Variants in CUX1 observed in about 807,000 individuals in gnomAD.
The protein encoded by CUX1 is cut like homeobox 1.
In CUX1, 31 loss-of-function variants were observed where a neutral mutation model predicts 158.8. The ratio of observed to expected loss-of-function variants is 0.20; its 90% confidence interval spans 0.15 to 0.26. The LOEUF is 0.26. Ranked by LOEUF, CUX1 falls within the 10% of genes least tolerant of loss-of-function variation. CUX1 has a pLI of 1.00. For missense variants in CUX1, 1,589 were observed against 2,014.6 expected (o/e 0.79, Z 4.04); for synonymous variants, 879 against 862.1 (o/e 1.02, Z -0.34).
chr7:102,009,979 A>G (rs1433862017), intron 2 of CUX1, among the ~76,000 whole-genome samples: 1 of 152,144 alleles, frequency 6.6e-6, no homozygotes, highest in African/African-American at 2.4e-5. Context: ...TCCAGCACAC[A>G]TGGGGAGCTT....
chr7:102,211,838 G>A (rs1796571838), intron 20 of CUX1, among the ~76,000 whole-genome samples: 2 of 151,628 alleles, frequency 1.3e-5, no homozygotes, highest in Admixed American at 6.6e-5. Flanking sequence ...AGATGCAAAG[G>A]GACTGGCTGT....
chr7:102,118,435 G>A (rs1008245680), intron 8 of CUX1, among the ~76,000 whole-genome samples: 3 of 152,154 alleles, frequency 2.0e-5, no homozygotes, highest in Non-Finnish European at 4.4e-5. Context: ...ATACTTATGA[G>A]TCTGAAGTGG....
intron 1 of CUX1, among the ~76,000 whole-genome samples, chr7:101,836,364 C>T (rs1214159560): frequency 1.3e-5 from 2 of 152,060 alleles, no homozygotes; most frequent in African/African-American, 4.8e-5. Flanking sequence ...CGCTTGAGCC[C>T]AGGAGTTTGA....
At chr7:102,144,511 C>T (rs1834819301) in intron 8 of CUX1, among the ~76,000 whole-genome samples, 1 of 151,946 alleles carries the variant, frequency 6.6e-6, no homozygotes, top group Non-Finnish European at 1.5e-5. Context: ...AATATAGTCA[C>T]AGCGCAATTA....
intron 8 of CUX1, among the ~76,000 whole-genome samples, chr7:102,158,351 C>A (rs1250647091): frequency 6.6e-6 from 1 of 152,134 alleles, no homozygotes; most frequent in African/African-American, 2.4e-5. Context: ...GCACCCCATA[C>A]GCACCAGACA....
In CUX1 at chr7:102,077,766, C is replaced by T. The variant is rs2410970; in HGVS notation, c.268+7349C>T. On this transcript the variant is annotated intron_variant, in intron 4 of 23. Coordinates refer to ENST00000292535, the MANE Select transcript of CUX1 (RefSeq NM_181552.4). ...CTGGAATGACCGCTTCTAACAGGCT[C>T]TTGCATAGCTGGAATTTTACTGAGT... is the stretch of plus-strand genomic sequence containing the variant. Among the ~76,000 whole-genome samples the T allele has an allele frequency of 4.5e-3, 686 of 152,160 alleles. 2 individuals are homozygous for T. Among genetic ancestry groups the T allele is most frequent in the Admixed American group, 8.0e-3 (123 of 15,300 alleles).
intron 1 of CUX1, among the ~76,000 whole-genome samples, chr7:101,893,158 C>T (rs1370761787): frequency 1.2e-4 from 8 of 64,940 alleles, no homozygotes; most frequent in Admixed American, 4.8e-4. Context: ...ATTTTTATTA[C>T]TTTTTTTTTT....
chr7:101,968,578 G>A (rs547149060), intron 2 of CUX1, among the ~76,000 whole-genome samples: 29 of 152,076 alleles, frequency 1.9e-4, no homozygotes, highest in Admixed American at 1.0e-3. Flanking sequence ...GCGTACCACC[G>A]TGCCTGGCTA....
intron 2 of CUX1, among the ~76,000 whole-genome samples, chr7:101,995,412 TA>T (rs2129256503): frequency 6.6e-6 from 1 of 152,348 alleles, no homozygotes; most frequent in African/African-American, 2.4e-5. Flanking sequence ...CTCCTTCTTA[TA>T]AAACAGTACC....
chr7:101,936,979 C>A (rs1391901055), intron 2 of CUX1, among the ~76,000 whole-genome samples: 1 of 152,200 alleles, frequency 6.6e-6, no homozygotes, highest in African/African-American at 2.4e-5. Context: ...TAGTGAGACA[C>A]AGTCACCGGG....
At position 101,918,999 on chromosome 7, in the gene CUX1, G is replaced by A. The variant is rs549743077; in HGVS notation, c.141+2774G>A. Among the ~76,000 whole-genome samples, 4 of 152,270 alleles carry A rather than the reference G, an allele frequency of 2.6e-5. No individual in the cohort carries two copies. In the South Asian group the frequency reaches 6.2e-4, roughly 24 times the overall value. On this transcript the variant is annotated intron_variant, in intron 2 of 23. Transcript: ENST00000292535. Reference sequence around the variant, plus strand: ...TCACTATGTTGGCCAGGCTGGTCTCGAACTCCTGACCTCAGGTGATCCGCC... The same window carrying A: ...TCACTATGTTGGCCAGGCTGGTCTCAAACTCCTGACCTCAGGTGATCCGCC...
chr7:101,860,238 T>G (rs774950567), intron 1 of CUX1, among the ~76,000 whole-genome samples: 6 of 152,198 alleles, frequency 3.9e-5, no homozygotes, highest in Non-Finnish European at 5.9e-5. Flanking sequence ...CAGACACACA[T>G]GAGGTGAGAA....
chr7:101,911,757 A>G (rs1803505373), intron 1 of CUX1, among the ~76,000 whole-genome samples: 1 of 152,212 alleles, frequency 6.6e-6, no homozygotes, highest in Non-Finnish European at 1.5e-5. Context: ...AGCTCGGCCC[A>G]TTGACTTGAG....
At chr7:101,858,599 G>C (rs1797126379) in intron 1 of CUX1, among the ~76,000 whole-genome samples, 1 of 151,464 alleles carries the variant, frequency 6.6e-6, no homozygotes, top group Non-Finnish European at 1.5e-5. Context: ...TATGTTGAGT[G>C]AGTTAGTTGT....
At chr7:102,229,865 A>T (rs1258114737) in intron 21 of CUX1, among the ~76,000 whole-genome samples, 2 of 151,640 alleles carry the variant, frequency 1.3e-5, no homozygotes, top group African/African-American at 4.8e-5. Flanking sequence ...CAGGTGATCC[A>T]CCCACCTTGG....
At chr7:102,239,974 C>G (rs539729360) in intron 23 of CUX1, among the ~76,000 whole-genome samples, 2 of 152,212 alleles carry the variant, frequency 1.3e-5, no homozygotes, top group East Asian at 3.9e-4. Flanking sequence ...CTCAAACATC[C>G]TGACCTCAGG....
chr7:102,034,145 C>CA (rs10655613), intron 3 of CUX1, among the ~76,000 whole-genome samples: 33 of 48,572 alleles, frequency 6.8e-4, no homozygotes, highest in African/African-American at 6.5e-4. Flanking sequence ...GACTCCATCT[C>CA]AAAAAAAAAA....
intron 9 of CUX1, among the ~76,000 whole-genome samples, chr7:102,166,357 T>C (rs1405072261): frequency 6.6e-6 from 1 of 152,164 alleles, no homozygotes; most frequent in Non-Finnish European, 1.5e-5. Flanking sequence ...GCCGTTCTCA[T>C]GGTGGGGCAG....
In CUX1 at chr7:102,249,094, G is replaced by C; in HGVS notation, c.*52G>C. On this transcript the variant is annotated 3_prime_UTR_variant, in exon 24 of 24. Transcript: ENST00000292535. ...CAGGCTGGGCCGCAAGGGCCTGGAC[G>C]GGGTCGGACGGGGCAGGCGCTGCGG... The C allele has an allele frequency of 1.7e-6, 2 of 1,211,326 alleles. No homozygotes were observed. Among genetic ancestry groups the C allele is most frequent in the Non-Finnish European group, 2.1e-6 (2 of 969,372 alleles). 75.0% of individuals were successfully genotyped at this position (1,211,326 alleles called of 1,614,324 possible).
Sources: gnomAD v4.1 joint callset for allele counts (sites outside exome capture counted in the v4.1 genomes callset) on GRCh38, gnomAD v4.1.1 for gene constraint, MANE v1.5 for transcripts, NCBI Gene and HGNC (gene_info 2026-07-23, HGNC 2026-07-21) for gene names.